ARHGEF4: variants seen among roughly 807,000 people sequenced by gnomAD.
The protein encoded by ARHGEF4 is Rho guanine nucleotide exchange factor 4, also known as APC-stimulated guanine nucleotide exchange factor 1.
A neutral mutation model predicts 162.0 loss-of-function variants in ARHGEF4; 119 were observed. The observed-to-expected ratio is 0.73, with a 90% CI of 0.63 to 0.86. The LOEUF (loss-of-function observed/expected upper bound fraction) is 0.86, where lower values mean the gene tolerates loss of function less well. Among genes scored for constraint, ARHGEF4 ranks in the 40% least tolerant of loss-of-function variants. ARHGEF4 has a pLI of 0.00. For missense variants in ARHGEF4, 2,488 were observed against 2,456.0 expected (o/e 1.01, Z -0.28); for synonymous variants, 1,014 against 979.9 (o/e 1.03, Z -0.65).
intron 1 of ARHGEF4, among the ~76,000 whole-genome samples, chr2:130,906,470 A>G (rs1680817602): frequency 6.6e-6 from 1 of 152,218 alleles, no homozygotes; most frequent in Admixed American, 6.5e-5. Context: ...AAGTTACCTG[A>G]TATCTGATAT....
intron 4 of ARHGEF4, among the ~76,000 whole-genome samples, chr2:130,993,831 G>A (rs994194156): frequency 2.6e-5 from 4 of 152,012 alleles, no homozygotes; most frequent in African/African-American, 9.7e-5. Flanking sequence ...ACCCAGGCTG[G>A]AGTGCAATGG....
chr2:130,933,066 A>AT (rs1456652635), intron 3 of ARHGEF4, among the ~76,000 whole-genome samples: 9 of 152,248 alleles, frequency 5.9e-5, no homozygotes, highest in Middle Eastern at 3.4e-3. Context: ...AAATACAAAA[A>AT]TTAGCCAGTG....
intron 4 of ARHGEF4, among the ~76,000 whole-genome samples, chr2:131,018,496 GTTA>G (rs1338730693): frequency 6.6e-6 from 1 of 152,056 alleles, no homozygotes; most frequent in African/African-American, 2.4e-5. Context: ...TATTCTGGAT[GTTA>G]TTCCCTTATC....
At chr2:131,014,602 T>C (rs1688659893) in intron 4 of ARHGEF4, among the ~76,000 whole-genome samples, 1 of 152,240 alleles carries the variant, frequency 6.6e-6, no homozygotes, top group African/African-American at 2.4e-5. Context: ...TGCTCCATTA[T>C]TTTAAAGCAA....
intron 3 of ARHGEF4, among the ~76,000 whole-genome samples, chr2:130,938,770 G>A (rs939764072): frequency 6.6e-6 from 1 of 151,882 alleles, no homozygotes; most frequent in Non-Finnish European, 1.5e-5. Flanking sequence ...AATTTTTTTC[G>A]TTTATGGATG....
intron 8 of ARHGEF4, 121 bp downstream of exon 8, chr2:131,040,561 A>G (rs1312254432): frequency 6.8e-6 from 8 of 1,178,344 alleles, no homozygotes; most frequent in Non-Finnish European, 9.3e-6. Flanking sequence ...CCCCAGCTCC[A>G]GCCCTCTATC....
intron 4 of ARHGEF4, among the ~76,000 whole-genome samples, chr2:130,957,632 G>A (rs1224737644): frequency 3.3e-5 from 5 of 152,110 alleles, no homozygotes; most frequent in Admixed American, 6.5e-5. Context: ...TTCATGTGTC[G>A]AAATCCTATA....
chr2:130,876,118 C>T (rs1007540142), intron 1 of ARHGEF4, among the ~76,000 whole-genome samples: 1 of 152,196 alleles, frequency 6.6e-6, no homozygotes, highest in African/African-American at 2.4e-5. Flanking sequence ...GGTAGGCTTT[C>T]CCCATGTCCT....
chr2:130,864,181 CAAAG>C (rs545281360), intron 1 of ARHGEF4, among the ~76,000 whole-genome samples: 18 of 136,412 alleles, frequency 1.3e-4, no homozygotes, highest in East Asian at 2.1e-4. Context: ...GACTCTGTCT[CAAAG>C]AAAGAAAGAA....
chr2:130,865,659 G>A (rs1682219979), intron 1 of ARHGEF4, among the ~76,000 whole-genome samples: 1 of 152,200 alleles, frequency 6.6e-6, no homozygotes, highest in Non-Finnish European at 1.5e-5. Context: ...CGCGGAAAAA[G>A]TCTAGTTTCC....
At chr2:130,876,324 T>C (rs909286080) in intron 1 of ARHGEF4, among the ~76,000 whole-genome samples, 1 of 152,210 alleles carries the variant, frequency 6.6e-6, no homozygotes, top group African/African-American at 2.4e-5. Context: ...TCCTAGCTTA[T>C]GGAAATGCCA....
At position 130,936,661 on chromosome 2, in the gene ARHGEF4, C is replaced by T. The variant is rs371402456; in HGVS notation, c.3858+5404C>T. On this transcript the variant is annotated intron_variant, in intron 3 of 13. Transcript: ENST00000409359. ...TCAGCTGTTAATCTTATTCAGAATCCCTTGTACATGGTGAATTACTTCTCT... is the reference window on the plus strand; with the variant it reads ...TCAGCTGTTAATCTTATTCAGAATCTCTTGTACATGGTGAATTACTTCTCT... Among the ~76,000 whole-genome samples the T allele has an allele frequency of 1.9e-3, 285 of 152,120 alleles. 3 individuals carry two copies. The highest frequency in any genetic ancestry group is 6.6e-3 in the African/African-American group (272 of 41,494).
At chr2:130,984,242 A>T (rs1381644228) in intron 4 of ARHGEF4, among the ~76,000 whole-genome samples, 1 of 152,306 alleles carries the variant, frequency 6.6e-6, no homozygotes, top group African/African-American at 2.4e-5. Flanking sequence ...GTGGCCAAAC[A>T]GCACCAAAGG....
chr2:130,965,150 G>A (rs1475336252), intron 4 of ARHGEF4, among the ~76,000 whole-genome samples: 2 of 152,218 alleles, frequency 1.3e-5, no homozygotes, highest in Admixed American at 6.5e-5. Flanking sequence ...AGGGCCTCAC[G>A]TAGGTGTGGA....
intron 4 of ARHGEF4, among the ~76,000 whole-genome samples, chr2:131,007,531 TA>T (rs1688193113): frequency 6.6e-6 from 1 of 152,300 alleles, no homozygotes; most frequent in African/African-American, 2.4e-5. Flanking sequence ...ATTGTGAAGC[TA>T]ATATATTCAT....
chr2:130,997,965 A>G (rs912374732), intron 4 of ARHGEF4, among the ~76,000 whole-genome samples: 12 of 152,162 alleles, frequency 7.9e-5, no homozygotes, highest in African/African-American at 2.7e-4. Flanking sequence ...AGGAACACAC[A>G]GACGCACACC....
intron 3 of ARHGEF4, among the ~76,000 whole-genome samples, chr2:130,936,837 T>C (rs1226896244): frequency 1.3e-5 from 2 of 152,110 alleles, no homozygotes; most frequent in Non-Finnish European, 2.9e-5. Flanking sequence ...TTAGGAATTT[T>C]CCACAATTAT....
At chr2:130,875,147 T>C (rs1391951694) in intron 1 of ARHGEF4, among the ~76,000 whole-genome samples, 2 of 152,222 alleles carry the variant, frequency 1.3e-5, no homozygotes, top group African/African-American at 4.8e-5. Flanking sequence ...TTTTCTCTCA[T>C]GAGCTCTATT....
At chr2:130,878,114 G>C (rs752974921) in intron 1 of ARHGEF4, among the ~76,000 whole-genome samples, 3 of 152,120 alleles carry the variant, frequency 2.0e-5, no homozygotes, top group Non-Finnish European at 2.9e-5. Flanking sequence ...GATAATAAAG[G>C]GTTGGCAAAA....
Sources: gnomAD v4.1 joint callset for allele counts (sites outside exome capture counted in the v4.1 genomes callset) on GRCh38, gnomAD v4.1.1 for gene constraint, MANE v1.5 for transcripts, NCBI Gene and HGNC (gene_info 2026-07-23, HGNC 2026-07-21) for gene names.